PCDH15: variants seen among roughly 807,000 people sequenced by gnomAD.
The protein encoded by PCDH15 is protocadherin-15.
In PCDH15, 129 loss-of-function variants were observed where a neutral mutation model predicts 178.5. The observed-to-expected ratio is 0.72, with a 90% CI of 0.63 to 0.84. The LOEUF is 0.84. Ranked by LOEUF, PCDH15 falls within the 40% of genes least tolerant of loss-of-function variation. The pLI is 0.00. For synonymous variants in PCDH15, 800 were observed against 732.0 expected, an observed-to-expected ratio of 1.09 and a Z score of -1.50; for missense variants, 2,230 against 2,099.9, an observed-to-expected ratio of 1.06 and a Z score of -1.21.
intron 1 of PCDH15, among the ~76,000 whole-genome samples, chr10:54,789,474 T>G (rs1951188626): frequency 6.6e-6 from 1 of 151,770 alleles, no homozygotes; most frequent in Non-Finnish European, 1.5e-5. Flanking sequence ...GAGGCTTGAG[T>G]GATTTAGTAG....
At chr10:54,034,201 A>C (rs2093364747) in intron 18 of PCDH15, among the ~76,000 whole-genome samples, 2 of 151,986 alleles carry the variant, frequency 1.3e-5, no homozygotes, top group South Asian at 2.1e-4. Flanking sequence ...AGAGAAAAAT[A>C]TCTCTTAATT....
chr10:55,588,824 G>C (rs1842777760), intron 2 of PCDH15, among the ~76,000 whole-genome samples: 1 of 152,150 alleles, frequency 6.6e-6, no homozygotes, highest in Non-Finnish European at 1.5e-5. Context: ...CCTCACACCT[G>C]TAATCCTAGC....
At chr10:55,620,530 C>T (rs1308152327) in intron 2 of PCDH15, among the ~76,000 whole-genome samples, 1 of 151,944 alleles carries the variant, frequency 6.6e-6, no homozygotes, top group Non-Finnish European at 1.5e-5. Context: ...TATAATGTCA[C>T]ATTTTAGTTA....
At chr10:53,824,026 G>A (rs909672434) in intron 32 of PCDH15, among the ~76,000 whole-genome samples, 4 of 151,830 alleles carry the variant, frequency 2.6e-5, no homozygotes, top group Non-Finnish European at 5.9e-5. Flanking sequence ...TACCAATCAG[G>A]AAAAATTGTT....
intron 17 of PCDH15, among the ~76,000 whole-genome samples, chr10:54,075,223 A>G (rs1016524696): frequency 6.6e-6 from 1 of 151,970 alleles, no homozygotes; most frequent in Non-Finnish European, 1.5e-5. Context: ...TAAAACTCCA[A>G]AAAAATAGCC....
At chr10:54,596,167 C>T (rs2092227242) in intron 2 of PCDH15, among the ~76,000 whole-genome samples, 1 of 151,998 alleles carries the variant, frequency 6.6e-6, no homozygotes, top group Non-Finnish European at 1.5e-5. Flanking sequence ...TTATCAGGTT[C>T]TGTAAGGTCA....
chr10:54,546,979 G>A (rs1201137580), intron 2 of PCDH15, among the ~76,000 whole-genome samples: 1 of 152,144 alleles, frequency 6.6e-6, no homozygotes, highest in African/African-American at 2.4e-5. Flanking sequence ...AGTCTGTAAT[G>A]ACATTGTGGG....
chr10:55,136,036 G>T (rs990485881), intron 2 of PCDH15, among the ~76,000 whole-genome samples: 1 of 152,110 alleles, frequency 6.6e-6, no homozygotes, highest in Non-Finnish European at 1.5e-5. Context: ...ACAACAAGTG[G>T]TCTAAATGAA....
intron 9 of PCDH15, among the ~76,000 whole-genome samples, chr10:54,221,049 C>T (rs998196191): frequency 4.0e-5 from 6 of 151,860 alleles, no homozygotes; most frequent in African/African-American, 1.5e-4. Flanking sequence ...AAAAATTAGC[C>T]GGGCGAGGTT....
intron 2 of PCDH15, among the ~76,000 whole-genome samples, chr10:55,114,711 C>A (rs1002567735): frequency 6.6e-6 from 1 of 152,128 alleles, no homozygotes; most frequent in Non-Finnish European, 1.5e-5. Flanking sequence ...AGACACAAAC[C>A]TAGGAAATGA....
rs373516565 is a variant in PCDH15 at position 55,130,494 on chromosome 10, G to A, written c.-80+36082C>T. ...TTAGTAGTTTAGAACACAGCTTCTG[G>A]AGTTGGACTACCAGGGGTCAAAGCT... On this transcript the variant is annotated intron_variant, in intron 2 of 5. Transcript: ENST00000458638. Among the ~76,000 whole-genome samples, 17 of 152,272 alleles carry A rather than the reference G, an allele frequency of 1.1e-4. 1 individual carries two copies. In the East Asian group the frequency reaches 2.3e-3, roughly 21 times the overall value.
intron 1 of PCDH15, among the ~76,000 whole-genome samples, chr10:55,254,953 C>CT (rs67124955): frequency 5.5e-4 from 83 of 150,644 alleles, no homozygotes; most frequent in Admixed American, 1.7e-3. Context: ...TAAGTCTTTT[C>CT]TTTTTTTTTT....
intron 25 of PCDH15, among the ~76,000 whole-genome samples, chr10:53,938,303 T>TA (rs2085751014): frequency 6.6e-6 from 1 of 152,162 alleles, no homozygotes; most frequent in Admixed American, 6.5e-5. Flanking sequence ...AACAGGGTAG[T>TA]AATTCTCATT....
chr10:54,373,493 T>C (rs1486636015), intron 4 of PCDH15, among the ~76,000 whole-genome samples: 1 of 151,998 alleles, frequency 6.6e-6, no homozygotes, highest in Admixed American at 6.6e-5. Context: ...AATAGTAGCA[T>C]ATTTACTGAA....
chr10:53,930,817 T>A (rs911677131), intron 25 of PCDH15, among the ~76,000 whole-genome samples: 8 of 152,156 alleles, frequency 5.3e-5, no homozygotes, highest in African/African-American at 1.9e-4. Context: ...TGAACTCCCA[T>A]CTCCTCAGCT....
intron 18 of PCDH15, among the ~76,000 whole-genome samples, chr10:54,055,987 C>T (rs529508904): frequency 6.6e-6 from 1 of 152,180 alleles, no homozygotes; most frequent in Non-Finnish European, 1.5e-5. Flanking sequence ...TATAATGAGA[C>T]CAGATTCATC....
At chr10:54,102,779 G>T (rs1178901908) in intron 15 of PCDH15, among the ~76,000 whole-genome samples, 1 of 152,086 alleles carries the variant, frequency 6.6e-6, no homozygotes, top group Non-Finnish European at 1.5e-5. Flanking sequence ...CTGGGGAAAT[G>T]ACCACAGCAT....
intron 2 of PCDH15, among the ~76,000 whole-genome samples, chr10:54,596,847 C>G (rs1383048705): frequency 6.6e-6 from 1 of 151,982 alleles, no homozygotes; most frequent in Non-Finnish European, 1.5e-5. Context: ...TAAGAAATGG[C>G]AAAGAAGGGC....
intron 1 of PCDH15, among the ~76,000 whole-genome samples, chr10:54,795,433 C>T (rs1384360426): frequency 6.6e-6 from 1 of 151,786 alleles, no homozygotes; most frequent in East Asian, 1.9e-4. Flanking sequence ...AAATCAATAC[C>T]ACCATTCTCT....
Sources: allele counts gnomAD v4.1 joint callset (sites outside exome capture counted in the v4.1 genomes callset), GRCh38; gene constraint gnomAD v4.1.1; transcripts MANE v1.5; gene names NCBI Gene and HGNC (gene_info 2026-07-23, HGNC 2026-07-21).